The following PPP2R2B variants were observed in gnomAD, a reference collection of about 807,000 sequenced individuals.
The protein encoded by PPP2R2B is protein phosphatase 2 regulatory subunit Bbeta.
Under a neutral mutation model 46.0 loss-of-function variants are expected in PPP2R2B, and 5 were observed. That is an observed-to-expected ratio of 0.11 (90% confidence interval 0.06 to 0.23). The LOEUF is 0.23. PPP2R2B is among the 10% of genes least tolerant of loss of function. The pLI is 1.00. For synonymous variants in PPP2R2B, 215 were observed against 206.7 expected, an observed-to-expected ratio of 1.04 and a Z score of -0.34; for missense variants, 367 against 575.0, an observed-to-expected ratio of 0.64 and a Z score of 3.70.
chr5:146,846,730 C>G (rs1760037359), intron 2 of PPP2R2B, among the ~76,000 whole-genome samples: 1 of 151,856 alleles, frequency 6.6e-6, no homozygotes, highest in Admixed American at 6.5e-5. Flanking sequence ...AAAGTAGCTA[C>G]TAAAAAATTA....
intron 1 of PPP2R2B, among the ~76,000 whole-genome samples, chr5:146,894,589 G>A (rs902725819): frequency 3.9e-5 from 6 of 152,042 alleles, no homozygotes; most frequent in South Asian, 2.1e-4. Context: ...ACAGGCGTGC[G>A]CCACCACACC....
chr5:146,775,603 T>C (rs1040015357), intron 2 of PPP2R2B, among the ~76,000 whole-genome samples: 1 of 152,036 alleles, frequency 6.6e-6, no homozygotes, highest in African/African-American at 2.4e-5. Flanking sequence ...ATATTCAACA[T>C]AATACTGAAA....
intron 1 of PPP2R2B, among the ~76,000 whole-genome samples, chr5:147,042,384 A>T (rs1453809297): frequency 2.6e-5 from 4 of 152,090 alleles, no homozygotes; most frequent in Non-Finnish European, 5.9e-5. Context: ...CAGGTACAAC[A>T]ACAGGGTGGG....
intron 1 of PPP2R2B, among the ~76,000 whole-genome samples, chr5:146,971,526 A>G (rs1218315159): frequency 6.6e-6 from 1 of 152,222 alleles, no homozygotes; most frequent in Non-Finnish European, 1.5e-5. Flanking sequence ...GTTATTTCCA[A>G]TCTTTTTCTA....
chr5:147,015,457 A>G (rs1471723563), intron 1 of PPP2R2B, among the ~76,000 whole-genome samples: 1 of 151,484 alleles, frequency 6.6e-6, no homozygotes, highest in Non-Finnish European at 1.5e-5. Context: ...CTCCATATCT[A>G]TATTTGCCAA....
At chr5:146,742,362 C>A (rs1370132077) in intron 2 of PPP2R2B, among the ~76,000 whole-genome samples, 16 of 152,110 alleles carry the variant, frequency 1.1e-4, no homozygotes, top group Admixed American at 5.2e-4. Flanking sequence ...CTCTGGATGG[C>A]TAGGGTTTAA....
At chr5:147,040,543 A>G (rs1756244136) in intron 1 of PPP2R2B, among the ~76,000 whole-genome samples, 1 of 152,138 alleles carries the variant, frequency 6.6e-6, no homozygotes, top group African/African-American at 2.4e-5. Context: ...AAATTGTAGG[A>G]GAACCAGTTC....
intron 7 of PPP2R2B, among the ~76,000 whole-genome samples, chr5:146,625,538 C>T (rs1773995795): frequency 6.6e-6 from 1 of 152,066 alleles, no homozygotes; most frequent in South Asian, 2.1e-4. Context: ...ATAATGGTCC[C>T]ATCTAGTGAG....
upstream of PPP2R2B, among the ~76,000 whole-genome samples, chr5:146,881,907 G>A (rs375496890): frequency 1.3e-5 from 2 of 152,106 alleles, 1 homozygote; most frequent in Admixed American, 1.3e-4. Flanking sequence ...CTCATAAGCT[G>A]TATTCCTATT....
chr5:146,726,306 C>A (rs886139192), intron 2 of PPP2R2B, among the ~76,000 whole-genome samples: 4 of 152,202 alleles, frequency 2.6e-5, no homozygotes, highest in Non-Finnish European at 5.9e-5. Flanking sequence ...GCATCTATGC[C>A]AAACTAGATA....
chr5:146,740,727 A>G (rs1752823961), intron 2 of PPP2R2B, among the ~76,000 whole-genome samples: 1 of 152,100 alleles, frequency 6.6e-6, no homozygotes, highest in African/African-American at 2.4e-5. Context: ...TTTTTTCACA[A>G]TGAGCATATT....
chr5:146,953,122 A>G (rs1751700967), intron 1 of PPP2R2B, among the ~76,000 whole-genome samples: 1 of 152,170 alleles, frequency 6.6e-6, no homozygotes, highest in African/African-American at 2.4e-5. Context: ...CAGAGCACTG[A>G]GTTATAAACT....
chr5:146,898,420 C>T (rs923341313), intron 1 of PPP2R2B, among the ~76,000 whole-genome samples: 1 of 152,074 alleles, frequency 6.6e-6, no homozygotes, highest in Non-Finnish European at 1.5e-5. Flanking sequence ...GGGCTAGTCA[C>T]ATGTAGAAAG....
At chr5:146,973,742 T>C (rs1752769109) in intron 1 of PPP2R2B, among the ~76,000 whole-genome samples, 1 of 152,048 alleles carries the variant, frequency 6.6e-6, no homozygotes, top group Non-Finnish European at 1.5e-5. Flanking sequence ...TATAACCTAC[T>C]TATATTTTTA....
At chr5:146,935,144 C>T (rs924111647) in intron 1 of PPP2R2B, among the ~76,000 whole-genome samples, 5 of 152,182 alleles carry the variant, frequency 3.3e-5, no homozygotes, top group Non-Finnish European at 7.4e-5. Flanking sequence ...ATGTTGAAAT[C>T]CTAACCTGCA....
At position 146,582,279 on chromosome 5, in the gene PPP2R2B, A is replaced by T. The variant is rs1769930757; in HGVS notation, c.*7668T>A. ...ACTTCCCTTTGCCTTGTTATGGGGA[A>T]TATTTAGTGCTGCAGCCTGGGTGTG... On this transcript the variant is annotated 3_prime_UTR_variant, in exon 10 of 10. Coordinates refer to ENST00000394411, the MANE Select transcript of PPP2R2B (RefSeq NM_181675.4). 2 of 152,142 alleles carry T rather than the reference A, an allele frequency of 1.3e-5. No individual in the cohort carries two copies. Among genetic ancestry groups the T allele is most frequent in the Admixed American group, 1.3e-4 (2 of 15,274 alleles). 9.4% of individuals were successfully genotyped at this position (152,142 alleles called of 1,614,324 possible).
chr5:146,650,197 C>T (rs1775864041), intron 6 of PPP2R2B, among the ~76,000 whole-genome samples: 1 of 152,134 alleles, frequency 6.6e-6, no homozygotes, highest in South Asian at 2.1e-4. Flanking sequence ...GCTGTCCATA[C>T]AGATTTATGA....
intron 1 of PPP2R2B, among the ~76,000 whole-genome samples, chr5:146,908,060 C>T (rs752181552): frequency 2.0e-5 from 3 of 152,198 alleles, no homozygotes; most frequent in Non-Finnish European, 2.9e-5. Flanking sequence ...TTAATTCTCA[C>T]GTTTTGTCTT....
chr5:146,877,899 C>T, intron 2 of PPP2R2B, 103 bp downstream of exon 2: 3 of 1,366,920 alleles, frequency 2.2e-6, no homozygotes, highest in South Asian at 2.7e-5. Context: ...AGCCCTAGGG[C>T]CCGGAGGAGT....
Sources: gnomAD v4.1 joint callset for allele counts (sites outside exome capture counted in the v4.1 genomes callset) on GRCh38, gnomAD v4.1.1 for gene constraint, MANE v1.5 for transcripts, NCBI Gene and HGNC (gene_info 2026-07-23, HGNC 2026-07-21) for gene names.